Variants in ACACA observed in about 807,000 individuals in gnomAD.
ACACA encodes acetyl-CoA carboxylase 1.
ACACA carries 103 observed loss-of-function variants against 296.1 expected under a neutral mutation model. That is an observed-to-expected ratio of 0.35 (90% CI 0.30 to 0.41). ACACA has a LOEUF of 0.41. ACACA is among the 10% of genes least tolerant of loss of function. ACACA has a pLI of 1.00. For missense variants in ACACA, 1,554 were observed against 2,989.7 expected (o/e 0.52, Z 11.20); for synonymous variants, 953 against 1,038.6 (o/e 0.92, Z 1.58).
chr17:37,230,133 C>T (rs2079786475), intron 25 of ACACA, among the ~76,000 whole-genome samples: 7 of 150,698 alleles, frequency 4.6e-5, no homozygotes, highest in Admixed American at 4.6e-4. Flanking sequence ...ACCTGTAATC[C>T]CAGCATTTTG....
chr17:37,370,326 G>T (rs906556766), intron 1 of ACACA, among the ~76,000 whole-genome samples: 13 of 151,616 alleles, frequency 8.6e-5, no homozygotes, highest in African/African-American at 2.9e-4. Flanking sequence ...ACTTTTGATG[G>T]TGAGGAGTGA....
At chr17:37,266,649 C>T (rs1445537039) in intron 10 of ACACA, among the ~76,000 whole-genome samples, 2 of 152,058 alleles carry the variant, frequency 1.3e-5, no homozygotes, top group African/African-American at 4.8e-5. Flanking sequence ...AGAAACAATT[C>T]TATTTTCAAC....
At position 37,342,713 on chromosome 17, in the gene ACACA, G is replaced by A. The variant is rs946670406; in HGVS notation, c.39-2863C>T. ...TAATCTCAGCCATTTGGGAGGCTGA[G>A]GCGGGAGAATCCCTTGAGTCCAGGA... On this transcript the variant is annotated intron_variant, in intron 1 of 55. Coordinates refer to ENST00000616317, the MANE Select transcript of ACACA (RefSeq NM_198834.3). Among the ~76,000 whole-genome samples the A allele has an allele frequency of 1.6e-4, 24 of 151,454 alleles. No homozygotes were observed. The South Asian group carries it at 1.7e-3, about 11-fold the overall frequency.
At chr17:37,355,997 C>A (rs2049123114) in intron 1 of ACACA, among the ~76,000 whole-genome samples, 1 of 152,048 alleles carries the variant, frequency 6.6e-6, no homozygotes, top group South Asian at 2.1e-4. Flanking sequence ...GACGAAACCC[C>A]ATCTCTACTA....
intron 45 of ACACA, among the ~76,000 whole-genome samples, chr17:37,138,564 T>C (rs917886817): frequency 1.4e-4 from 22 of 152,250 alleles, no homozygotes; most frequent in Admixed American, 5.2e-4. Context: ...TTAGAAGATA[T>C]GGTGCTCTAA....
At chr17:37,386,810 A>C (rs1348823637) in intron 1 of ACACA, 1 of 152,100 alleles carries the variant, frequency 6.6e-6, no homozygotes, top group Non-Finnish European at 1.5e-5. Flanking sequence ...ACACCAACCA[A>C]GTGCTTTTCT....
chr17:37,128,905 G>A (rs1057057030), intron 47 of ACACA, among the ~76,000 whole-genome samples: 1 of 152,214 alleles, frequency 6.6e-6, no homozygotes, highest in African/African-American at 2.4e-5. Flanking sequence ...GGTGCTCAGA[G>A]CTTGCTGAGA....
intron 40 of ACACA, among the ~76,000 whole-genome samples, chr17:37,180,832 A>G (rs1047145008): frequency 6.6e-6 from 1 of 152,228 alleles, no homozygotes; most frequent in African/African-American, 2.4e-5. Flanking sequence ...ATATTGGAAA[A>G]TGAGAACTAA....
chr17:37,191,898 A>G (rs1275895203), intron 37 of ACACA, among the ~76,000 whole-genome samples, 192 bp downstream of exon 37: 1 of 152,138 alleles, frequency 6.6e-6, no homozygotes, highest in African/African-American at 2.4e-5. Flanking sequence ...GTAAAAAAAA[A>G]AAAGCCTTTA....
chr17:37,305,865 C>A (rs1021167360), intron 3 of ACACA, among the ~76,000 whole-genome samples: 2 of 151,226 alleles, frequency 1.3e-5, no homozygotes, highest in African/African-American at 4.9e-5. Context: ...ATACCACAAA[C>A]TCCTACTGTT....
intron 7 of ACACA, 60 bp from the exon 8 acceptor site, chr17:37,276,109 T>C (rs1598382134): frequency 2.4e-6 from 3 of 1,254,326 alleles, no homozygotes; most frequent in African/African-American, 1.5e-5. Flanking sequence ...TTCTGGCACA[T>C]GTAGTTGCCT....
intron 54 of ACACA, among the ~76,000 whole-genome samples, chr17:37,091,381 G>A (rs1442627978): frequency 3.3e-5 from 5 of 152,128 alleles, no homozygotes; most frequent in African/African-American, 1.2e-4. Context: ...AAACCCCAGT[G>A]GATTACAGCC....
chr17:37,202,155 T>C (rs1355416041), intron 33 of ACACA, among the ~76,000 whole-genome samples: 1 of 152,196 alleles, frequency 6.6e-6, no homozygotes, highest in African/African-American at 2.4e-5. Context: ...ATACTTCTTC[T>C]GACATCAACA....
At chr17:37,355,858 CAAAT>C (rs916687689) in intron 1 of ACACA, among the ~76,000 whole-genome samples, 4 of 151,384 alleles carry the variant, frequency 2.6e-5, no homozygotes, top group Non-Finnish European at 5.9e-5. Context: ...AACTCTGTCT[CAAAT>C]AAATAAATAA....
chr17:37,173,220 G>C (rs1315090043), intron 41 of ACACA, among the ~76,000 whole-genome samples: 3 of 152,174 alleles, frequency 2.0e-5, no homozygotes, highest in Non-Finnish European at 4.4e-5. Flanking sequence ...TCTACAGGCA[G>C]AGTTTTAGAA....
In ACACA at chr17:37,223,703, G is replaced by A. The variant is rs561401742; in HGVS notation, c.3475-102C>T. On this transcript the variant is annotated intron_variant, in intron 27 of 55. Transcript: ENST00000616317. Reference sequence around the variant, plus strand: ...GCATTTAGTGAAACCTAAGAATTTTGTCTCTGAATGCCATAATCTCTCTGT... The same window carrying A: ...GCATTTAGTGAAACCTAAGAATTTTATCTCTGAATGCCATAATCTCTCTGT... The A allele has an allele frequency of 3.5e-5, 29 of 840,382 alleles. No homozygotes were observed. In the South Asian group the frequency reaches 3.6e-4, roughly 10 times the overall value. The allele number at this position is 840,382 out of a possible 1,614,324, so 52.1% of individuals were successfully genotyped here.
intron 14 of ACACA, among the ~76,000 whole-genome samples, chr17:37,257,412 G>A (rs543805796): frequency 4.5e-4 from 68 of 151,866 alleles, no homozygotes; most frequent in Admixed American, 9.2e-4. Context: ...CTGTTCCTGT[G>A]GAAAAATAAG....
intron 1 of ACACA, among the ~76,000 whole-genome samples, chr17:37,390,348 G>A (rs2050825339): frequency 1.7e-5 from 1 of 57,204 alleles, no homozygotes; most frequent in Non-Finnish European, 3.1e-5. Context: ...GGCCAGCTGG[G>A]CCGGGCACGG....
At chr17:37,340,508 G>A (rs1327122608) in intron 1 of ACACA, among the ~76,000 whole-genome samples, 1 of 152,132 alleles carries the variant, frequency 6.6e-6, no homozygotes, top group African/African-American at 2.4e-5. Context: ...GAGACCCAGG[G>A]ATATCAACTT....
Sources: gnomAD v4.1 joint callset for allele counts (sites outside exome capture counted in the v4.1 genomes callset) on GRCh38, gnomAD v4.1.1 for gene constraint, MANE v1.5 for transcripts, NCBI Gene and HGNC (gene_info 2026-07-23, HGNC 2026-07-21) for gene names.